The following TUBGCP4 variants were observed in gnomAD, a reference collection of about 807,000 sequenced individuals.
TUBGCP4 encodes the protein gamma-tubulin complex component 4.
Under a neutral mutation model 91.6 loss-of-function variants are expected in TUBGCP4, and 54 were observed. That is an observed-to-expected ratio of 0.59 (90% CI 0.47 to 0.74). The LOEUF (loss-of-function observed/expected upper bound fraction) is 0.74, where lower values mean the gene tolerates loss of function less well. Among genes scored for constraint, TUBGCP4 ranks in the 30% least tolerant of loss-of-function variants. TUBGCP4 has a pLI of 0.00. For missense variants in TUBGCP4, 593 were observed against 800.9 expected (o/e 0.74, Z 3.13); for synonymous variants, 297 against 302.8 (o/e 0.98, Z 0.20).
At chr15:43,401,882 C>CCA in intron 15 of TUBGCP4, 32 bp downstream of exon 15, 2 of 1,611,738 alleles carry the variant, frequency 1.2e-6, no homozygotes, top group Non-Finnish European at 1.7e-6. Flanking sequence ...CCTCAGACTG[C>CCA]TTCTACCACT....
At position 43,408,168 on chromosome 15, in the gene TUBGCP4, A is replaced by T. The variant is rs1374029520; in HGVS notation, c.*2954A>T. The T allele has an allele frequency of 1.4e-6, 2 of 1,390,912 alleles. No homozygotes were observed. Among genetic ancestry groups the T allele is most frequent in the Admixed American group, 4.0e-5 (2 of 49,848 alleles). 86.2% of individuals were successfully genotyped at this position (1,390,912 alleles called of 1,614,324 possible). Reference sequence around the variant, plus strand: ...CCTTTCTGCAAAGGGACTCATGTACATCTGAATGCTTTCAAAAATAAATGC... The same window carrying T: ...CCTTTCTGCAAAGGGACTCATGTACTTCTGAATGCTTTCAAAAATAAATGC... On this transcript the variant is annotated 3_prime_UTR_variant, in exon 18 of 18. Coordinates refer to ENST00000564079, the MANE Select transcript of TUBGCP4 (RefSeq NM_014444.5).
chr15:43,390,740 C>T (rs1302167391), intron 9 of TUBGCP4, among the ~76,000 whole-genome samples: 2 of 151,974 alleles, frequency 1.3e-5, no homozygotes, highest in African/African-American at 4.8e-5. Context: ...AACTCCTGAC[C>T]TCAAGTGATC....
chr15:43,395,218 T>G, intron 10 of TUBGCP4, 61 bp downstream of exon 10: 1 of 1,574,422 alleles, frequency 6.4e-7, no homozygotes, highest in Non-Finnish European at 8.7e-7. Context: ...TTGCATTCTC[T>G]GATGTTTCCT....
At chr15:43,403,905 C>A in intron 16 of TUBGCP4, 106 bp downstream of exon 16, 1 of 769,202 alleles carries the variant, frequency 1.3e-6, no homozygotes, top group Non-Finnish European at 2.3e-6. Context: ...TTCCTCAATA[C>A]ACACACGTAC....
At chr15:43,380,013 A>G (rs2044264116) in intron 5 of TUBGCP4, 71 bp from the exon 6 acceptor site, 5 of 1,456,922 alleles carry the variant, frequency 3.4e-6, no homozygotes, top group South Asian at 1.1e-5. Context: ...TTGGTTGAAT[A>G]TGGAATAAGA....
Position 43,409,301 on chromosome 15 carries a change from A to G in TUBGCP4, c.*4087A>G, listed in dbSNP as rs1414378331. ...ATGTTCTCTCTGCCTCACCTGCAGC[A>G]TACTGAGGACCTAAATCCTCAACGG... On this transcript the variant is annotated 3_prime_UTR_variant, in exon 18 of 18. Coordinates refer to ENST00000564079, the MANE Select transcript of TUBGCP4 (RefSeq NM_014444.5). 1.7e-6 allele frequency: 1 copy of G among 602,246 alleles called. No homozygotes were observed. Among genetic ancestry groups the G allele is most frequent in the Non-Finnish European group, 2.9e-6 (1 of 341,042 alleles). 37.3% of individuals were successfully genotyped at this position (602,246 alleles called of 1,614,324 possible).
In TUBGCP4 at chr15:43,400,025, C is replaced by T. The variant is rs372332710; in HGVS notation, c.1419-19C>T. On this transcript the variant is annotated intron_variant, in intron 13 of 17. Transcript: ENST00000564079. ...GGGATGAAATTTTTGTCTTGAATAT[C>T]CTGTTATTTCTGTCCTAGGTACAAT... is the stretch of plus-strand genomic sequence containing the variant. 7.9e-5 allele frequency: 126 copies of T among 1,589,358 alleles called. No individual in the cohort carries two copies. Among genetic ancestry groups the T allele is most frequent in the Middle Eastern group, 5.0e-4 (3 of 6,002 alleles).
At chr15:43,380,259 CTCTT>C in intron 6 of TUBGCP4, 96 bp downstream of exon 6, 1 of 1,156,064 alleles carries the variant, frequency 8.7e-7, no homozygotes, top group Non-Finnish European at 1.3e-6. Context: ...TCAGGTTTCC[CTCTT>C]GGGAAGGTTA....
intron 9 of TUBGCP4, among the ~76,000 whole-genome samples, chr15:43,393,765 A>G (rs2044528844): frequency 6.6e-6 from 1 of 152,166 alleles, no homozygotes; most frequent in Non-Finnish European, 1.5e-5. Context: ...GTCCCTACAA[A>G]GGACATGAAC....
At position 43,409,160 on chromosome 15, in the gene TUBGCP4, C is replaced by T; in HGVS notation, c.*3946C>T. ...TCTGTGGAAAGCTCCTAAGCAGCAG[C>T]CATAATGAGCCATGAAGAGCAGATC... On this transcript the variant is annotated 3_prime_UTR_variant, in exon 18 of 18. Coordinates refer to ENST00000564079, the MANE Select transcript of TUBGCP4 (RefSeq NM_014444.5). 6 of 1,460,126 alleles carry T rather than the reference C, an allele frequency of 4.1e-6. No homozygotes were observed. The highest frequency in any genetic ancestry group is 5.7e-6 in the Non-Finnish European group (6 of 1,047,840). The allele number at this position is 1,460,126 out of a possible 1,614,324, so 90.4% of individuals were successfully genotyped here. A position where few individuals can be genotyped will look rare whatever the true frequency, so the allele number is the denominator to read the frequency against.
chr15:43,392,118 ACAT>A (rs1203117784), intron 9 of TUBGCP4, among the ~76,000 whole-genome samples: 3 of 147,904 alleles, frequency 2.0e-5, no homozygotes, highest in East Asian at 2.0e-4. Context: ...ACACACACAC[ACAT>A]ATTTTTTTTT....
Position 43,385,777 on chromosome 15 carries a change from C to T in TUBGCP4, c.724-14C>T, listed in dbSNP as rs1354035110. On this transcript the variant is annotated splice_polypyrimidine_tract_variant and intron_variant, in intron 7 of 17. Coordinates refer to ENST00000564079, the MANE Select transcript of TUBGCP4 (RefSeq NM_014444.5). ...TTCACACTGCATCTCGATGTGTACTCTTTCCTTGACTAGCGCCTGATTGAG... is the reference window on the plus strand; with the variant it reads ...TTCACACTGCATCTCGATGTGTACTTTTTCCTTGACTAGCGCCTGATTGAG... 1.2e-6 allele frequency: 2 copies of T among 1,613,752 alleles called. No individual in the cohort carries two copies. Among genetic ancestry groups the T allele is most frequent in the Non-Finnish European group, 1.7e-6 (2 of 1,179,746 alleles).
intron 16 of TUBGCP4, 104 bp from the exon 17 acceptor site, chr15:43,404,309 T>A: frequency 6.9e-7 from 1 of 1,452,356 alleles, no homozygotes; most frequent in Non-Finnish European, 9.3e-7. Context: ...TTCTGTAGAA[T>A]TTTGAACAAG....
At chr15:43,400,472 A>C (rs2044656109) in intron 14 of TUBGCP4, among the ~76,000 whole-genome samples, 1 of 152,146 alleles carries the variant, frequency 6.6e-6, no homozygotes, top group African/African-American at 2.4e-5. Context: ...GTCATAGCTC[A>C]CTGAAGCCTC....
At chr15:43,401,907 G>A in intron 15 of TUBGCP4, 57 bp downstream of exon 15, 1 of 1,586,752 alleles carries the variant, frequency 6.3e-7, no homozygotes, top group South Asian at 1.1e-5. Flanking sequence ...ATTCCCTTAG[G>A]CAGTTTGAGT....
Position 43,395,193 on chromosome 15 carries a change from C to G in TUBGCP4, c.1065+36C>G, listed in dbSNP as rs756086103. On this transcript the variant is annotated intron_variant, in intron 10 of 17. Coordinates refer to ENST00000564079, the MANE Select transcript of TUBGCP4 (RefSeq NM_014444.5). ...AGCTGTTGTAATTCTTACGGTGATG[C>G]TGGTAGGCAGTGACTTGCATTCTCT... 1.9e-6 allele frequency: 3 copies of G among 1,610,414 alleles called. No individual in the cohort carries two copies. In the South Asian group the frequency reaches 3.3e-5, roughly 18 times the overall value.
At position 43,406,725 on chromosome 15, in the gene TUBGCP4, T is replaced by C. The variant is rs1175882781; in HGVS notation, c.*1511T>C. The C allele has an allele frequency of 2.4e-6, 1 of 417,100 alleles. No homozygotes were observed. The highest frequency in any genetic ancestry group is 1.8e-5 in the South Asian group (1 of 56,654). 25.8% of individuals were successfully genotyped at this position (417,100 alleles called of 1,614,324 possible). A position where few individuals can be genotyped will look rare whatever the true frequency, so the allele number is the denominator to read the frequency against. On this transcript the variant is annotated 3_prime_UTR_variant, in exon 18 of 18. Coordinates refer to ENST00000564079, the MANE Select transcript of TUBGCP4 (RefSeq NM_014444.5). Reference sequence around the variant, plus strand: ...TAATAATAATAATAATATTGGGTCTTTGACTAGAACGTGTAACATTTCCAG... The same window carrying C: ...TAATAATAATAATAATATTGGGTCTCTGACTAGAACGTGTAACATTTCCAG...
intron 7 of TUBGCP4, 36 bp from the exon 8 acceptor site, chr15:43,385,755 A>G (rs1201586402): frequency 6.2e-7 from 1 of 1,608,550 alleles, no homozygotes; most frequent in Non-Finnish European, 8.5e-7. Flanking sequence ...TTCTTGCTTC[A>G]CACTGCATCT....
chr15:43,387,014 A>G (rs552525759), intron 9 of TUBGCP4, among the ~76,000 whole-genome samples: 3 of 152,328 alleles, frequency 2.0e-5, no homozygotes, highest in South Asian at 2.1e-4. Context: ...ATCGTTTGCA[A>G]TAACTCCTAG....
Sources: gnomAD v4.1 joint callset for allele counts (sites outside exome capture counted in the v4.1 genomes callset) on GRCh38, gnomAD v4.1.1 for gene constraint, MANE v1.5 for transcripts, NCBI Gene and HGNC (gene_info 2026-07-23, HGNC 2026-07-21) for gene names.